Variants in ARHGAP11B observed in about 807,000 individuals in gnomAD.
The protein encoded by ARHGAP11B is inactive Rho GTPase-activating protein 11B.
ARHGAP11B carries 14 observed loss-of-function variants against 27.6 expected under a neutral mutation model. The ratio of observed to expected loss-of-function variants is 0.51; its 90% CI spans 0.34 to 0.79. The LOEUF (loss-of-function observed/expected upper bound fraction) is 0.79, where lower values mean the gene tolerates loss of function less well. Among genes scored for constraint, ARHGAP11B ranks in the 30% least tolerant of loss-of-function variants. ARHGAP11B has a pLI of 0.02. For synonymous variants in ARHGAP11B, 82 were observed against 114.1 expected (o/e 0.72, Z 1.80); for missense variants, 245 against 320.1 (o/e 0.77, Z 1.79).
exon 1 of ARHGAP11B, chr15:30,626,286 C>T (rs1054394625): frequency 6.5e-6 from 1 of 152,760 alleles, no homozygotes; most frequent in Admixed American, 6.5e-5. Context: ...GGCTACCAGC[C>T]CGGGCGGGCA....
exon 8 of ARHGAP11B, chr15:30,644,659 G>A (rs541996906): frequency 7.6e-6 from 12 of 1,588,628 alleles, no homozygotes; most frequent in Admixed American, 5.1e-5. Flanking sequence ...AACCACCATC[G>A]GTTAAATTTG....
At position 30,630,501 on chromosome 15, in the gene ARHGAP11B, C is replaced by T. The variant is rs1327269126; in HGVS notation, c.130-202C>T. On this transcript the variant is annotated intron_variant, in intron 1 of 10. Coordinates refer to ENST00000428041, the Ensembl canonical transcript of ARHGAP11B. ...TGACATTATCTTGGCCATCTTTGTA[C>T]TCCCAGCACTCAGCATACTATCTAA... is the stretch of plus-strand genomic sequence containing the variant. Among the ~76,000 whole-genome samples the T allele has an allele frequency of 4.6e-5, 7 of 152,062 alleles. No homozygotes were observed. The South Asian group carries it at 8.3e-4, about 18-fold the overall frequency.
At chr15:30,641,913 C>T (rs1380146013) in intron 7 of ARHGAP11B, among the ~76,000 whole-genome samples, 3 of 151,842 alleles carry the variant, frequency 2.0e-5, no homozygotes, top group African/African-American at 4.8e-5. Flanking sequence ...GATGGGATTT[C>T]ACCATGTTGG....
chr15:30,631,540 C>T (rs1269409234), intron 2 of ARHGAP11B, among the ~76,000 whole-genome samples: 1 of 151,792 alleles, frequency 6.6e-6, no homozygotes, highest in Non-Finnish European at 1.5e-5. Flanking sequence ...GTGGTGTACA[C>T]CCCTGTAGTC....
chr15:30,627,034 C>G, intron 1 of ARHGAP11B, 85 bp downstream of exon 1: 2 of 1,573,418 alleles, frequency 1.3e-6, no homozygotes, highest in Non-Finnish European at 1.7e-6. Context: ...CTAAAATGTT[C>G]ACTCTGTGTA....
exon 10 of ARHGAP11B, chr15:30,647,707 TG>T: frequency 4.6e-6 from 1 of 218,220 alleles, no homozygotes; most frequent in Admixed American, 5.7e-5. Flanking sequence ...AGCTCCAAAC[TG>T]GGATATGTAA....
At chr15:30,641,817 A>T (rs547741644) in intron 7 of ARHGAP11B, among the ~76,000 whole-genome samples, 1 of 151,748 alleles carries the variant, frequency 6.6e-6, no homozygotes, top group Admixed American at 6.6e-5. Context: ...CCGATGTTCA[A>T]GTGATTCTTG....
chr15:30,630,642 T>G, intron 1 of ARHGAP11B, 61 bp from the exon 2 acceptor site: 1 of 1,558,838 alleles, frequency 6.4e-7, no homozygotes, highest in Non-Finnish European at 8.7e-7. Flanking sequence ...TTGCCTAAAG[T>G]TTAAGAAAAC....
At chr15:30,641,071 A>G (rs1329113024) in intron 7 of ARHGAP11B, among the ~76,000 whole-genome samples, 4 of 152,054 alleles carry the variant, frequency 2.6e-5, no homozygotes, top group East Asian at 3.9e-4. Flanking sequence ...AACAGAGGTT[A>G]AACAGTCTTG....
chr15:30,630,561 TG>T, intron 1 of ARHGAP11B, 141 bp from the exon 2 acceptor site: 1 of 1,462,140 alleles, frequency 6.8e-7, no homozygotes. Context: ...GCACTTGAAA[TG>T]ATTATTTTTG....
exon 11 of ARHGAP11B, among the ~76,000 whole-genome samples, chr15:30,648,447 G>A (rs1476464255): frequency 1.3e-5 from 2 of 151,996 alleles, no homozygotes; most frequent in Middle Eastern, 3.2e-3. Flanking sequence ...AAATGACATA[G>A]GTTTAGGATT....
At chr15:30,644,869 A>G (rs1432166309) in intron 8 of ARHGAP11B, among the ~76,000 whole-genome samples, 1 of 152,022 alleles carries the variant, frequency 6.6e-6, no homozygotes. Flanking sequence ...GTAATCTGTA[A>G]TTCATTTGTG....
chr15:30,638,843 T>G (rs2060297787), intron 7 of ARHGAP11B, 33 bp downstream of exon 7: 2 of 1,246,236 alleles, frequency 1.6e-6, no homozygotes, highest in Non-Finnish European at 2.2e-6. Flanking sequence ...TATATGCATT[T>G]ATTTAAATTA....
exon 3 of ARHGAP11B, chr15:30,633,580 A>G: frequency 6.2e-7 from 1 of 1,610,284 alleles, no homozygotes; most frequent in South Asian, 1.1e-5. Flanking sequence ...GCCTAAAAGC[A>G]CTAAAGGTGA....
chr15:30,640,782 T>G (rs1204664254), intron 7 of ARHGAP11B, among the ~76,000 whole-genome samples: 1 of 152,030 alleles, frequency 6.6e-6, no homozygotes, highest in Non-Finnish European at 1.5e-5. Flanking sequence ...AAAAAACACT[T>G]CCTCACAGGT....
At chr15:30,644,326 C>A (rs556801705) in intron 7 of ARHGAP11B, among the ~76,000 whole-genome samples, 8 of 152,042 alleles carry the variant, frequency 5.3e-5, no homozygotes, top group South Asian at 4.1e-4. Flanking sequence ...TGGCACGGTA[C>A]CCAATAGATA....
chr15:30,627,359 G>A (rs1190282333), intron 1 of ARHGAP11B, among the ~76,000 whole-genome samples: 1 of 152,042 alleles, frequency 6.6e-6, no homozygotes, highest in African/African-American at 2.4e-5. Context: ...GGAACAGGTA[G>A]TACGTTGGGA....
intron 9 of ARHGAP11B, among the ~76,000 whole-genome samples, chr15:30,646,709 C>T (rs182926235): frequency 4.6e-5 from 7 of 150,856 alleles, no homozygotes; most frequent in African/African-American, 1.7e-4. Flanking sequence ...GTGGCTCATG[C>T]CTGTAATCCC....
At chr15:30,629,662 T>A (rs373197390) in intron 1 of ARHGAP11B, among the ~76,000 whole-genome samples, 5 of 152,242 alleles carry the variant, frequency 3.3e-5, no homozygotes, top group African/African-American at 1.2e-4. Flanking sequence ...TGGAGCCAGG[T>A]GCTTGAAAGG....
Sources: gnomAD v4.1 joint callset for allele counts (sites outside exome capture counted in the v4.1 genomes callset) on GRCh38, gnomAD v4.1.1 for gene constraint, MANE v1.5 for transcripts, NCBI Gene and HGNC (gene_info 2026-07-23, HGNC 2026-07-21) for gene names.